The following CASP1 variants were observed in gnomAD, a reference collection of about 807,000 sequenced individuals.
The protein encoded by CASP1 is caspase-1.
CASP1 carries 31 observed loss-of-function variants against 41.2 expected under a neutral mutation model. That is an observed-to-expected ratio of 0.75 (90% CI 0.57 to 1.02). The LOEUF (loss-of-function observed/expected upper bound fraction) is 1.02, where lower values mean the gene tolerates loss of function less well. CASP1 is among the 50% of genes least tolerant of loss of function. The pLI is 0.00. For missense variants in CASP1, 490 were observed against 495.7 expected (o/e 0.99, Z 0.11); for synonymous variants, 163 against 166.5 (o/e 0.98, Z 0.16).
At position 105,026,327 on chromosome 11, in the gene CASP1, A is replaced by G; in HGVS notation, c.1146T>C (p.Gly382=). 1.2e-6 allele frequency: 2 copies of G among 1,611,448 alleles called. No individual in the cohort carries two copies. The highest frequency in any genetic ancestry group is 1.7e-6 in the Non-Finnish European group (2 of 1,178,196). The change falls in exon 9 of 9, where the codon GGT becomes GGC. Residue 382 remains glycine (G), a synonymous_variant. Transcript: ENST00000533400. ...TTTCAGTGGTGGGCATCTGCGCTCT[A>G]CCATCTGGCTGCTCAAATGAAAATC... The part of the protein sequence containing the change: ...KVRFSFEQPD[G]RAQMPTTERV...
Position 105,033,107 on chromosome 11 carries a change from G to T in CASP1, c.294C>A (p.Tyr98Ter). 6.3e-7 allele frequency: 1 copy of T among 1,581,992 alleles called. No homozygotes were observed. The highest frequency in any genetic ancestry group is 8.7e-7 in the Non-Finnish European group (1 of 1,153,076). The stretch of plus-strand genomic sequence containing the variant: ...CTCCTTGAGAGTCTTGCATATTAAG[G>T]TAATTTCCAGATGTTTGATCTATGA... ...GLSADQTSGN[Y>*]LNMQDSQGVL... The change falls in exon 3 of 9, where the codon TAC becomes TAA. Residue 98 changes from tyrosine (Y) to a stop codon, truncating the protein, a stop_gained. Transcript: ENST00000533400. LOFTEE classifies it high-confidence loss of function.
At position 105,031,149 on chromosome 11, in the gene CASP1, G is replaced by T. The variant is rs201549047; in HGVS notation, c.453+16C>A. The T allele has an allele frequency of 2.0e-6, 3 of 1,467,148 alleles. No homozygotes were observed. The highest frequency in any genetic ancestry group is 2.8e-5 in the African/African-American group (2 of 71,830). The allele number at this position is 1,467,148 out of a possible 1,614,324, so 90.9% of individuals were successfully genotyped here. On this transcript the variant is annotated intron_variant, in intron 4 of 8. Coordinates refer to ENST00000533400, the MANE Select transcript of CASP1 (RefSeq NM_001257118.3). ...TTCTTTCACCCCACTCTATCCTTGGGTTCTGAGCATGGCACCTCTGCCGAC... is the reference window on the plus strand; with the variant it reads ...TTCTTTCACCCCACTCTATCCTTGGTTTCTGAGCATGGCACCTCTGCCGAC...
Position 105,031,242 on chromosome 11 carries a change from A to G in CASP1, c.376T>C (p.Ser126Pro). 6.2e-7 allele frequency: 1 copy of G among 1,612,618 alleles called. No individual in the cohort carries two copies. The highest frequency in any genetic ancestry group is 8.5e-7 in the Non-Finnish European group (1 of 1,178,978). Reference sequence around the variant, plus strand: ...TTGACATTCCCTTCTGAGCCTGAGGATGTGGGCATAGCTGGGTTGTCCTGC... The same window carrying G: ...TTGACATTCCCTTCTGAGCCTGAGGGTGTGGGCATAGCTGGGTTGTCCTGC... ...AVQDNPAMPT[S>P]SGSEGNVKLC... Residue 126 changes from serine to proline, a missense_variant, in exon 4 of 9, where the codon TCC (serine) becomes CCC (proline). Transcript: ENST00000533400.
In CASP1 at chr11:105,031,161, G is replaced by C. The variant is rs1863668790; in HGVS notation, c.453+4C>G. ...ACTCTATCCTTGGGTTCTGAGCATG[G>C]CACCTCTGCCGACTTTTGTTTCCAT... is the stretch of plus-strand genomic sequence containing the variant. On this transcript the variant is annotated splice_donor_region_variant and intron_variant, in intron 4 of 8. Transcript: ENST00000533400. 6.4e-7 allele frequency: 1 copy of C among 1,557,072 alleles called. No individual in the cohort carries two copies. The highest frequency in any genetic ancestry group is 1.7e-5 in the Admixed American group (1 of 59,762).
chr11:105,028,668 T>C (rs545861550), intron 7 of CASP1, among the ~76,000 whole-genome samples: 1 of 152,228 alleles, frequency 6.6e-6, no homozygotes, highest in Non-Finnish European at 1.5e-5. Context: ...AATTCAAATA[T>C]ATTCTGTCTC....
chr11:105,027,201 C>A, intron 7 of CASP1: 1 of 609,142 alleles, frequency 1.6e-6, no homozygotes, highest in East Asian at 2.7e-5. Context: ...ATAGACTCAG[C>A]TAGCTATACA....
chr11:105,026,628 G>A (rs1863307629), intron 8 of CASP1: 4 of 601,466 alleles, frequency 6.7e-6, no homozygotes, highest in Non-Finnish European at 5.9e-6. Context: ...CAGGAGCGGG[G>A]TGAAACTAAA....
At chr11:105,030,783 G>T in intron 4 of CASP1, 2 of 405,730 alleles carry the variant, frequency 4.9e-6, no homozygotes, top group Non-Finnish European at 8.8e-6. Flanking sequence ...TTCTAAAACT[G>T]ATTGTTCCAA....
At chr11:105,033,007 A>G in intron 3 of CASP1, 57 bp downstream of exon 3, 2 of 1,080,080 alleles carry the variant, frequency 1.9e-6, no homozygotes, top group Admixed American at 1.8e-5. Context: ...ATCCTACAAA[A>G]TTAATGTCAA....
chr11:105,035,618 G>GTTTTT (rs56746743), upstream of CASP1, among the ~76,000 whole-genome samples: 11 of 103,438 alleles, frequency 1.1e-4, 1 homozygote, highest in South Asian at 3.5e-4. Context: ...TTTTCTTTCT[G>GTTTTT]TTTTTTTTTT....
rs1555003326 is a variant in CASP1, at chr11:105,030,327, T to C, written c.627+3A>G. The C allele has an allele frequency of 6.2e-7, 1 of 1,610,250 alleles. No homozygotes were observed. Among genetic ancestry groups the C allele is most frequent in the Non-Finnish European group, 8.5e-7 (1 of 1,177,734 alleles). On this transcript the variant is annotated splice_donor_region_variant and intron_variant, in intron 5 of 8. Transcript: ENST00000533400. ...ATTGTTTCTGTTGTATAATAGAACTTACCGAAGCAGTGAGATTTTTTTTCA... is the reference window on the plus strand; with the variant it reads ...ATTGTTTCTGTTGTATAATAGAACTCACCGAAGCAGTGAGATTTTTTTTCA...
intron 8 of CASP1, 194 bp from the exon 9 acceptor site, chr11:105,026,550 C>A: frequency 1.7e-6 from 1 of 600,116 alleles, no homozygotes; most frequent in Middle Eastern, 4.1e-4. Context: ...CATTTTAAAT[C>A]TGCTGCTGGA....
chr11:105,026,898 T>G lies in CASP1; in HGVS notation c.1060A>C (p.Ile354Leu), dbSNP rs1156655495. The change falls in exon 8 of 9, where the codon ATT becomes CTT. Residue 354 changes from isoleucine (I) to leucine (L), a missense_variant. Coordinates refer to ENST00000533400, the MANE Select transcript of CASP1 (RefSeq NM_001257118.3). The part of the protein sequence containing the change: ...TMGSVFIGRL[I>L]EHMQEYACSC... ...CAGGCATATTCTTGCATATGTTCAA[T>G]GAGTCTTCCAATAAAAACAGAGCCC... 1.2e-6 allele frequency: 2 copies of G among 1,611,798 alleles called. No individual in the cohort carries two copies. Among genetic ancestry groups the G allele is most frequent in the Admixed American group, 3.3e-5 (2 of 59,934 alleles).
chr11:105,035,213 CATGCAT>C (rs1241717334), upstream of CASP1: 4 of 1,389,374 alleles, frequency 2.9e-6, no homozygotes, highest in African/African-American at 5.7e-5. Context: ...ACTCACTGTG[CATGCAT>C]ATGCATGTCT....
chr11:105,030,980 C>A (rs1863655637), intron 4 of CASP1, 185 bp downstream of exon 4: 3 of 544,268 alleles, frequency 5.5e-6, no homozygotes, highest in Non-Finnish European at 1.0e-5. Context: ...GAAGTGGATC[C>A]AATTTGGACC....
chr11:105,029,257 A>T lies in CASP1; in HGVS notation c.873T>A (p.Gly291=). Residue 291 remains glycine, a synonymous_variant, in exon 7 of 9, where the codon GGT becomes GGA. Transcript: ENST00000533400. ...CTACTGAATCTTTAAACCACACCAC[A>T]CCAGGGCTGTCTGGAAAGACACAGT... ...IIQACRGDSP[G]VVWFKDSVGV... is the part of the protein sequence containing the mutation. 1 of 1,611,406 alleles carries T rather than the reference A, an allele frequency of 6.2e-7. No individual in the cohort carries two copies. Among genetic ancestry groups the T allele is most frequent in the South Asian group, 1.1e-5 (1 of 90,646 alleles).
upstream of CASP1, among the ~76,000 whole-genome samples, chr11:105,036,188 T>G: frequency 6.6e-6 from 1 of 152,258 alleles, no homozygotes; most frequent in East Asian, 1.9e-4. Context: ...TTAATACAAA[T>G]GTTTAAGGTT....
At chr11:105,026,393 G>T (rs1279137608) in intron 8 of CASP1, 37 bp from the exon 9 acceptor site, 2 of 1,370,262 alleles carry the variant, frequency 1.5e-6, no homozygotes, top group African/African-American at 1.5e-5. Context: ...CCTTTTTTTT[G>T]CTGAGTTTTT....
chr11:105,029,346 T>A, intron 6 of CASP1, 79 bp from the exon 7 acceptor site: 1 of 1,211,734 alleles, frequency 8.3e-7, no homozygotes. Flanking sequence ...TTCAATGATA[T>A]TTATTAATGT....
Sources: gnomAD v4.1 joint callset for allele counts (sites outside exome capture counted in the v4.1 genomes callset) on GRCh38, gnomAD v4.1.1 for gene constraint, MANE v1.5 for transcripts, NCBI Gene and HGNC (gene_info 2026-07-23, HGNC 2026-07-21) for gene names.